The following RNGTT variants were observed in gnomAD, a reference collection of about 807,000 sequenced individuals.
RNGTT encodes RNA guanylyltransferase and 5'-phosphatase, also known as mRNA-capping enzyme.
RNGTT carries 33 observed loss-of-function variants against 79.3 expected under a neutral mutation model. The observed-to-expected ratio is 0.42, with a 90% CI of 0.32 to 0.56. RNGTT has a LOEUF of 0.56. RNGTT is among the 20% of genes least tolerant of loss of function. RNGTT has a pLI of 0.17. For missense variants in RNGTT, 497 were observed against 739.1 expected (o/e 0.67, Z 3.80); for synonymous variants, 222 against 235.9 (o/e 0.94, Z 0.54).
chr6:88,869,696 C>T (rs1015751717), intron 8 of RNGTT, among the ~76,000 whole-genome samples: 1 of 151,964 alleles, frequency 6.6e-6, no homozygotes, highest in African/African-American at 2.4e-5. Context: ...ATAAAAGTAC[C>T]AGGAGAAATC....
chr6:88,910,808 T>C (rs1337532255), intron 4 of RNGTT, among the ~76,000 whole-genome samples: 3 of 152,200 alleles, frequency 2.0e-5, no homozygotes, highest in African/African-American at 7.2e-5. Flanking sequence ...AGAAATCTTA[T>C]AAGCCAGAAG....
chr6:88,641,393 T>G lies in RNGTT; in HGVS notation c.1507-26998A>C, dbSNP rs1357542730. Among the ~76,000 whole-genome samples the G allele has an allele frequency of 2.0e-5, 3 of 151,012 alleles. No individual in the cohort carries two copies. The East Asian group carries it at 5.8e-4, about 29-fold the overall frequency. On this transcript the variant is annotated intron_variant, in intron 14 of 15. Coordinates refer to ENST00000369485, the MANE Select transcript of RNGTT (RefSeq NM_003800.5). ...GTGAAGCTGAAATATACTGTAAGCA[T>G]GATTATATACCATAAACACTCAGGT...
intron 11 of RNGTT, among the ~76,000 whole-genome samples, chr6:88,833,265 T>A (rs1780940571): frequency 6.6e-6 from 1 of 152,212 alleles, no homozygotes; most frequent in African/African-American, 2.4e-5. Context: ...TGAGTTCATG[T>A]CCTTTTCAGG....
chr6:88,943,776 C>A (rs1243881588), intron 1 of RNGTT, among the ~76,000 whole-genome samples: 2 of 152,194 alleles, frequency 1.3e-5, no homozygotes, highest in African/African-American at 4.8e-5. Flanking sequence ...TCCTTCTTAT[C>A]CAACATCAGA....
rs574128758 is a variant in RNGTT at position 88,806,105 on chromosome 6, G to GA, written c.1270-4474dup. On this transcript the variant is annotated intron_variant, in intron 11 of 15. Transcript: ENST00000369485. ...ACCTCAGTCTCTTTTGTTCATATAGGAAAGAAAAATCCACGAAAGACGTCT... is the reference window on the plus strand; with the variant it reads ...ACCTCAGTCTCTTTTGTTCATATAGGAAAAGAAAAATCCACGAAAGACGTCT... Among the ~76,000 whole-genome samples, 21 of 151,906 alleles carry GA rather than the reference G, an allele frequency of 1.4e-4. No individual in the cohort carries two copies. In the East Asian group the frequency reaches 4.1e-3, roughly 29 times the overall value.
At position 88,697,760 on chromosome 6, in the gene RNGTT, A is replaced by C. The variant is rs533206373; in HGVS notation, c.1440-19341T>G. On this transcript the variant is annotated intron_variant, in intron 13 of 15. Transcript: ENST00000369485. ...GTGGTGCATGCCTGTGGTCTCAGCT[A>C]CTCAGGAGGCTGAGGTGGAAGGATA... is the stretch of plus-strand genomic sequence containing the variant. Among the ~76,000 whole-genome samples, 8 of 147,830 alleles carry C rather than the reference A, an allele frequency of 5.4e-5. No individual in the cohort carries two copies. The East Asian group carries it at 1.6e-3, about 30-fold the overall frequency.
chr6:88,906,284 C>A, intron 5 of RNGTT, 81 bp downstream of exon 5: 2 of 837,936 alleles, frequency 2.4e-6, no homozygotes, highest in East Asian at 5.3e-5. Flanking sequence ...AAAAACTTGA[C>A]AATACAAAAT....
chr6:88,655,016 ACATT>A (rs1195383356), intron 14 of RNGTT, among the ~76,000 whole-genome samples: 1 of 152,226 alleles, frequency 6.6e-6, no homozygotes, highest in African/African-American at 2.4e-5. Context: ...TCGAACTAGA[ACATT>A]CAGTTATTCT....
At chr6:88,789,057 C>G (rs1779317850) in intron 12 of RNGTT, among the ~76,000 whole-genome samples, 1 of 152,180 alleles carries the variant, frequency 6.6e-6, no homozygotes, top group Admixed American at 6.5e-5. Context: ...AGTTTGTTCT[C>G]AATAGAATCA....
chr6:88,678,003 T>C (rs1774942257), intron 14 of RNGTT: 1 of 100,550 alleles, frequency 9.9e-6, no homozygotes, highest in Admixed American at 1.0e-4. Flanking sequence ...TTTTTTTTTT[T>C]GAGACAGGGT....
In RNGTT at chr6:88,756,613, T is replaced by C. The variant is rs945812911; in HGVS notation, c.1439+13161A>G. On this transcript the variant is annotated intron_variant, in intron 13 of 15. Coordinates refer to ENST00000369485, the MANE Select transcript of RNGTT (RefSeq NM_003800.5). ...ACTGAGTTAAATAAAACCAACTATA[T>C]TTTCAAGTACACACTTAGAAAGTAA... Among the ~76,000 whole-genome samples the C allele has an allele frequency of 2.6e-5, 4 of 152,228 alleles. No homozygotes were observed. In the East Asian group the frequency reaches 7.7e-4, roughly 29 times the overall value.
intron 14 of RNGTT, among the ~76,000 whole-genome samples, chr6:88,649,024 C>G (rs1268182142): frequency 1.3e-5 from 2 of 152,276 alleles, no homozygotes; most frequent in East Asian, 1.9e-4. Context: ...AAGCAATGTA[C>G]AGCAGGTCCT....
At chr6:88,780,331 C>G (rs1779022181) in intron 12 of RNGTT, among the ~76,000 whole-genome samples, 1 of 151,962 alleles carries the variant, frequency 6.6e-6, no homozygotes, top group Non-Finnish European at 1.5e-5. Context: ...TAAATCACTA[C>G]CAAATAATCC....
chr6:88,788,556 A>G (rs1779304764), intron 12 of RNGTT, among the ~76,000 whole-genome samples: 1 of 152,204 alleles, frequency 6.6e-6, no homozygotes, highest in Non-Finnish European at 1.5e-5. Context: ...TTAGCAGCTA[A>G]AGCCCTTTTT....
rs149813007 is a variant in RNGTT, at chr6:88,628,088, C to G, written c.1507-13693G>C. On this transcript the variant is annotated intron_variant, in intron 14 of 15. Transcript: ENST00000369485. ...CATTACGTAAGTACAGAGTGATAAT[C>G]ACATTGCTCAGAGCCCTAGAGTTTC... 4.0e-3 allele frequency among the ~76,000 whole-genome samples: 606 copies of G among 152,242 alleles called. 2 individuals are homozygous for G. The highest frequency in any genetic ancestry group is 0.014 in the African/African-American group (564 of 41,536).
intron 12 of RNGTT, among the ~76,000 whole-genome samples, chr6:88,784,892 G>T (rs1254295529): frequency 6.6e-6 from 1 of 151,898 alleles, no homozygotes. Flanking sequence ...TAAAAAAGTG[G>T]AATGAAAATA....
At chr6:88,914,586 T>C (rs1490417948) in intron 4 of RNGTT, among the ~76,000 whole-genome samples, 1 of 152,088 alleles carries the variant, frequency 6.6e-6, no homozygotes, top group Non-Finnish European at 1.5e-5. Flanking sequence ...GCTAACCATA[T>C]GCAGAAGAAT....
At chr6:88,714,011 T>C (rs540778718) in intron 13 of RNGTT, among the ~76,000 whole-genome samples, 157 of 152,316 alleles carry the variant, frequency 1.0e-3, no homozygotes, top group African/African-American at 3.6e-3. Context: ...TCTTGGTCTG[T>C]TGTTCCACTT....
chr6:88,929,083 T>C lies in RNGTT; in HGVS notation c.279-10A>G, dbSNP rs749967272. 1.2e-5 allele frequency: 19 copies of C among 1,602,462 alleles called. No homozygotes were observed. Among genetic ancestry groups the C allele is most frequent in the African/African-American group, 2.7e-5 (2 of 73,954 alleles). ...AGGGCACTCACCATGTCTAGTAATA[T>C]AGAAAAAGTTTTTTTGAAAAAAGAG... On this transcript the variant is annotated splice_polypyrimidine_tract_variant and intron_variant, in intron 3 of 15. Coordinates refer to ENST00000369485, the MANE Select transcript of RNGTT (RefSeq NM_003800.5).
Sources: gnomAD v4.1 joint callset for allele counts (sites outside exome capture counted in the v4.1 genomes callset) on GRCh38, gnomAD v4.1.1 for gene constraint, MANE v1.5 for transcripts, NCBI Gene and HGNC (gene_info 2026-07-23, HGNC 2026-07-21) for gene names.